Variants in ANKFN1 observed in about 807,000 individuals in gnomAD.
ANKFN1 encodes the protein ankyrin repeat and fibronectin type III domain containing 1, also known as ankyrin repeat and fibronectin type-III domain-containing protein 1.
ANKFN1 carries 74 observed loss-of-function variants against 108.7 expected under a neutral mutation model. The observed-to-expected ratio is 0.68, with a 90% CI of 0.56 to 0.83. ANKFN1 has a LOEUF of 0.83. Ranked by LOEUF, ANKFN1 falls within the 40% of genes least tolerant of loss-of-function variation. The probability of loss-of-function intolerance (pLI) is 0.00; values close to 1 mark genes in which losing one functional copy is unlikely to be tolerated. For missense variants in ANKFN1, 1,505 were observed against 1,382.3 expected, an observed-to-expected ratio of 1.09 and a Z score of -1.41; for synonymous variants, 547 against 516.2, an observed-to-expected ratio of 1.06 and a Z score of -0.81.
chr17:56,400,131 C>T (rs1224265121), intron 8 of ANKFN1, among the ~76,000 whole-genome samples: 1 of 151,752 alleles, frequency 6.6e-6, no homozygotes, highest in Non-Finnish European at 1.5e-5. Flanking sequence ...AAATGGTAGT[C>T]CTACTTTTAG....
At position 56,511,028 on chromosome 17, in the gene ANKFN1, C is replaced by T. The variant is rs2051741864; in HGVS notation, c.3200C>T (p.Ala1067Val). 2.0e-6 allele frequency: 3 copies of T among 1,536,012 alleles called. No homozygotes were observed. Among genetic ancestry groups the T allele is most frequent in the Non-Finnish European group, 2.6e-6 (3 of 1,146,888 alleles). Residue 1067 changes from alanine (A) to valine (V), a missense_variant, in exon 21 of 21, where the codon GCC becomes GTC. Physicochemically the swap from Ala to Val is moderately conservative, Grantham distance 64. Coordinates refer to ENST00000682825, the MANE Select transcript of ANKFN1 (RefSeq NM_001370326.1). ...ALDDPRGLTL[A>V]HAASLPEERN... ...GATGATCCCAGGGGCCTAACTCTGG[C>T]CCACGCTGCCAGCCTTCCTGAGGAG...
intron 4 of ANKFN1, among the ~76,000 whole-genome samples, chr17:56,136,796 A>G (rs1039469396): frequency 1.3e-5 from 2 of 152,248 alleles, no homozygotes; most frequent in East Asian, 1.9e-4. Flanking sequence ...ACTAGAACAT[A>G]TGATAAATGA....
At chr17:56,176,004 A>G (rs932246141) in intron 1 of ANKFN1, among the ~76,000 whole-genome samples, 1 of 151,968 alleles carries the variant, frequency 6.6e-6, no homozygotes, top group Non-Finnish European at 1.5e-5. Flanking sequence ...TACCTTTTTT[A>G]TGATCTCCTA....
In ANKFN1 at chr17:56,457,404, G is replaced by T; in HGVS notation, c.1440+15G>T. The T allele has an allele frequency of 1.3e-6, 2 of 1,570,432 alleles. No individual in the cohort carries two copies. The highest frequency in any genetic ancestry group is 1.4e-5 in the African/African-American group (1 of 72,832). On this transcript the variant is annotated intron_variant, in intron 13 of 20. Transcript: ENST00000682825. ...GGTTCACGAAGGTATACTAAGTTCT[G>T]ATTTCATTTTTCCCTACTTTGTACC...
intron 3 of ANKFN1, among the ~76,000 whole-genome samples, chr17:56,325,398 A>T (rs1043861221): frequency 2.0e-5 from 3 of 152,162 alleles, no homozygotes; most frequent in Admixed American, 1.3e-4. Flanking sequence ...GAGAGCCATT[A>T]AAAATGCCTA....
At chr17:56,490,917 C>T (rs900002537) in intron 18 of ANKFN1, among the ~76,000 whole-genome samples, 8 of 131,446 alleles carry the variant, frequency 6.1e-5, no homozygotes, top group Non-Finnish European at 3.3e-5. Context: ...TGGCATTCAC[C>T]TAAGATTTAT....
At chr17:56,307,166 G>A (rs574644030) in intron 3 of ANKFN1, among the ~76,000 whole-genome samples, 12 of 151,994 alleles carry the variant, frequency 7.9e-5, no homozygotes, top group Admixed American at 7.9e-4. Flanking sequence ...CATAGGCATG[G>A]GCAAGGACTT....
chr17:56,360,018 T>C (rs1251519251), intron 6 of ANKFN1, among the ~76,000 whole-genome samples: 2 of 152,182 alleles, frequency 1.3e-5, no homozygotes, highest in East Asian at 3.8e-4. Context: ...CAGACTTGGC[T>C]TCAAATTATT....
intron 4 of ANKFN1, among the ~76,000 whole-genome samples, chr17:56,070,889 C>A (rs1813318): frequency 0.69 from 104,418 of 151,694 alleles, 36,412 homozygotes; most frequent in Middle Eastern, 0.76. Flanking sequence ...TGCACACCAC[C>A]ACGCCCAGCT....
chr17:56,341,424 T>C (rs2045955746), intron 4 of ANKFN1, among the ~76,000 whole-genome samples: 1 of 152,150 alleles, frequency 6.6e-6, no homozygotes, highest in South Asian at 2.1e-4. Context: ...CCATTCAGTA[T>C]GATGTTGGCT....
upstream of ANKFN1, chr17:56,153,372 G>T: frequency 9.3e-7 from 1 of 1,075,646 alleles, no homozygotes; most frequent in Non-Finnish European, 1.4e-6. Flanking sequence ...GCCAAGCCGT[G>T]GGAGAGGCAG....
chr17:56,363,329 C>G (rs973729113), intron 6 of ANKFN1, among the ~76,000 whole-genome samples: 2 of 152,156 alleles, frequency 1.3e-5, no homozygotes, highest in African/African-American at 4.8e-5. Flanking sequence ...ATCAGCACCT[C>G]TAATCTTCAG....
intron 4 of ANKFN1, among the ~76,000 whole-genome samples, chr17:56,102,849 G>A (rs1197180557): frequency 2.0e-5 from 3 of 152,148 alleles, no homozygotes; most frequent in Admixed American, 6.5e-5. Flanking sequence ...AAAGCACTGG[G>A]ATTAAAGGCA....
intron 15 of ANKFN1, among the ~76,000 whole-genome samples, chr17:56,477,141 A>C (rs2050527895): frequency 6.6e-6 from 1 of 152,210 alleles, no homozygotes; most frequent in Non-Finnish European, 1.5e-5. Context: ...TAAACATTAA[A>C]ATCTTCAAGG....
At chr17:56,208,505 T>C (rs551139112) in intron 1 of ANKFN1, among the ~76,000 whole-genome samples, 2 of 152,258 alleles carry the variant, frequency 1.3e-5, no homozygotes, top group East Asian at 3.9e-4. Context: ...GTGCAAAATC[T>C]CCTAGGGGTA....
chr17:56,459,311 G>A (rs2001173), intron 14 of ANKFN1, among the ~76,000 whole-genome samples: 11,585 of 152,086 alleles, frequency 0.076, 632 homozygotes, highest in Middle Eastern at 0.16. Flanking sequence ...GGGTTTTACC[G>A]TGTAGGCCAG....
At chr17:56,457,630 C>G (rs1042167133) in intron 13 of ANKFN1, among the ~76,000 whole-genome samples, 4 of 152,190 alleles carry the variant, frequency 2.6e-5, no homozygotes, top group African/African-American at 9.7e-5. Context: ...CTCCACTGTT[C>G]TGAGTTATGG....
At chr17:56,203,520 T>C (rs1381154014) in intron 1 of ANKFN1, among the ~76,000 whole-genome samples, 5 of 152,232 alleles carry the variant, frequency 3.3e-5, no homozygotes, top group African/African-American at 1.2e-4. Flanking sequence ...AGCTTCATTT[T>C]CCTAAAACAT....
At chr17:56,169,037 G>C (rs1409185218) in intron 1 of ANKFN1, among the ~76,000 whole-genome samples, 2 of 152,168 alleles carry the variant, frequency 1.3e-5, no homozygotes, top group Non-Finnish European at 2.9e-5. Context: ...CCAGAAGGCA[G>C]GGGGAGTTTG....
Sources: allele counts gnomAD v4.1 joint callset (sites outside exome capture counted in the v4.1 genomes callset), GRCh38; gene constraint gnomAD v4.1.1; transcripts MANE v1.5; gene names NCBI Gene and HGNC (gene_info 2026-07-23, HGNC 2026-07-21).